Variants in CDK19 observed in about 807,000 individuals in gnomAD.
The protein encoded by CDK19 is cyclin dependent kinase 19.
CDK19 carries 20 observed loss-of-function variants against 68.3 expected under a neutral mutation model. That is an observed-to-expected ratio of 0.29 (90% CI 0.21 to 0.43). CDK19 has a LOEUF of 0.43. Among genes scored for constraint, CDK19 ranks in the 20% least tolerant of loss-of-function variants. The probability of loss-of-function intolerance (pLI) is 1.00; values close to 1 mark genes in which losing one functional copy is unlikely to be tolerated. For missense variants in CDK19, 339 were observed against 623.5 expected, an observed-to-expected ratio of 0.54 and a Z score of 4.86; for synonymous variants, 221 against 222.8, an observed-to-expected ratio of 0.99 and a Z score of 0.07.
chr6:110,638,982 C>T (rs146209076), intron 4 of CDK19, among the ~76,000 whole-genome samples: 167 of 152,306 alleles, frequency 1.1e-3, no homozygotes, highest in African/African-American at 3.9e-3. Context: ...TAAATAGATT[C>T]ATCCCGCAGA....
intron 1 of CDK19, among the ~76,000 whole-genome samples, chr6:110,795,564 T>C (rs1781881662): frequency 6.6e-6 from 1 of 152,184 alleles, no homozygotes; most frequent in Non-Finnish European, 1.5e-5. Flanking sequence ...ATATTGTTAG[T>C]AGTAGTGGAG....
chr6:110,700,787 A>C (rs1213726835), intron 2 of CDK19: 3 of 198,088 alleles, frequency 1.5e-5, no homozygotes, highest in Non-Finnish European at 3.3e-5. Flanking sequence ...TTTCCAGATG[A>C]GAATCCAAAA....
intron 2 of CDK19, among the ~76,000 whole-genome samples, chr6:110,723,845 G>A (rs941186188): frequency 2.6e-5 from 4 of 152,056 alleles, no homozygotes; most frequent in African/African-American, 4.8e-5. Context: ...TATTCTCATC[G>A]CTTCTCGGCC....
At chr6:110,777,789 A>G (rs1007746738) in intron 1 of CDK19, among the ~76,000 whole-genome samples, 1 of 152,264 alleles carries the variant, frequency 6.6e-6, no homozygotes, top group Admixed American at 6.5e-5. Context: ...TAGCATATAC[A>G]TGTAACAGAA....
At chr6:110,727,612 T>C (rs1213344733) in intron 2 of CDK19, among the ~76,000 whole-genome samples, 1 of 127,202 alleles carries the variant, frequency 7.9e-6, no homozygotes, top group Non-Finnish European at 1.8e-5. Flanking sequence ...ACTCAAGATG[T>C]CTTTTTTAAA....
chr6:110,646,986 CAG>C (rs893406185), intron 4 of CDK19, among the ~76,000 whole-genome samples: 2 of 152,116 alleles, frequency 1.3e-5, no homozygotes, highest in Non-Finnish European at 1.5e-5. Context: ...GGACTCCCCA[CAG>C]AGACAGAGGA....
intron 1 of CDK19, among the ~76,000 whole-genome samples, chr6:110,791,446 A>G (rs1257322450): frequency 1.3e-5 from 2 of 152,108 alleles, no homozygotes; most frequent in Non-Finnish European, 2.9e-5. Context: ...ACAGAACACA[A>G]CTATTGGAAA....
At chr6:110,732,355 T>C (rs1776828824) in intron 2 of CDK19, among the ~76,000 whole-genome samples, 1 of 152,004 alleles carries the variant, frequency 6.6e-6, no homozygotes, top group Non-Finnish European at 1.5e-5. Context: ...AAAAAAAATT[T>C]AGCTGGGTAT....
intron 4 of CDK19, among the ~76,000 whole-genome samples, chr6:110,639,513 C>A (rs1779992926): frequency 6.6e-6 from 1 of 152,104 alleles, no homozygotes; most frequent in African/African-American, 2.4e-5. Flanking sequence ...AAAACAAAAG[C>A]ACAGTAAAAA....
intron 1 of CDK19, among the ~76,000 whole-genome samples, chr6:110,773,522 T>C (rs767389312): frequency 6.6e-5 from 10 of 152,148 alleles, no homozygotes; most frequent in Admixed American, 1.3e-4. Flanking sequence ...GAATTATGAC[T>C]TGGACAAGTT....
intron 3 of CDK19, among the ~76,000 whole-genome samples, chr6:110,668,906 T>C (rs575796587): frequency 2.0e-5 from 3 of 152,242 alleles, no homozygotes; most frequent in African/African-American, 7.2e-5. Context: ...TTTCTAAATA[T>C]TACAAATACT....
chr6:110,683,902 G>T (rs1190115581), intron 2 of CDK19, among the ~76,000 whole-genome samples: 1 of 150,826 alleles, frequency 6.6e-6, no homozygotes, highest in Non-Finnish European at 1.5e-5. Context: ...AGTGGAGATG[G>T]GGTTTCACCT....
intron 1 of CDK19, among the ~76,000 whole-genome samples, chr6:110,809,110 G>A (rs1018801177): frequency 4.6e-5 from 7 of 151,846 alleles, no homozygotes; most frequent in African/African-American, 1.7e-4. Flanking sequence ...AGCTACTCGG[G>A]AGGCTGAGGC....
At chr6:110,780,981 T>C (rs1343129580) in intron 1 of CDK19, among the ~76,000 whole-genome samples, 1 of 152,238 alleles carries the variant, frequency 6.6e-6, no homozygotes, top group Admixed American at 6.5e-5. Flanking sequence ...CAGTGTCTTT[T>C]AGTGCCTACT....
At position 110,641,646 on chromosome 6, in the gene CDK19, AAAGGAAGGAAGG is replaced by A. The variant is rs71553305; in HGVS notation, c.457-2952_457-2941del. Among the ~76,000 whole-genome samples, 944 of 131,454 alleles carry A rather than the reference AAAGGAAGGAAGG, an allele frequency of 7.2e-3. 15 individuals carry two copies. The highest frequency in any genetic ancestry group is 0.025 in the African/African-American group (828 of 33,248). 86.2% of individuals were successfully genotyped at this position (131,454 alleles called of 152,430 possible). A position where few individuals can be genotyped will look rare whatever the true frequency, so the allele number is the denominator to read the frequency against. On this transcript the variant is annotated intron_variant, in intron 4 of 12. Coordinates refer to ENST00000368911, the MANE Select transcript of CDK19 (RefSeq NM_015076.5). ...GGAGAGGAAAGGAGGAAAGGGAAAG[AAAGGAAGGAAGG>A]AAGGAAGGAAGGAAGGAAGGAAGGA...
chr6:110,637,728 C>G (rs1318050994), intron 5 of CDK19, among the ~76,000 whole-genome samples: 2 of 152,176 alleles, frequency 1.3e-5, no homozygotes, highest in African/African-American at 4.8e-5. Flanking sequence ...GCCTGTAATC[C>G]CAGCACTTTG....
At chr6:110,706,051 T>C (rs1774440851) in intron 2 of CDK19, among the ~76,000 whole-genome samples, 1 of 152,088 alleles carries the variant, frequency 6.6e-6, no homozygotes, top group African/African-American at 2.4e-5. Flanking sequence ...TGTTTTGTTT[T>C]CTTGTTTGTT....
At chr6:110,647,941 T>G (rs1171426053) in intron 4 of CDK19, among the ~76,000 whole-genome samples, 1 of 152,108 alleles carries the variant, frequency 6.6e-6, no homozygotes, top group African/African-American at 2.4e-5. Context: ...TCTATGGAAG[T>G]TTATCACCAT....
chr6:110,636,501 C>CTTCT (rs376318985), intron 5 of CDK19, among the ~76,000 whole-genome samples: 17 of 152,238 alleles, frequency 1.1e-4, no homozygotes, highest in African/African-American at 3.6e-4. Flanking sequence ...TATAGACCAG[C>CTTCT]GGAGAAGACA....
Sources: allele counts gnomAD v4.1 joint callset (sites outside exome capture counted in the v4.1 genomes callset), GRCh38; gene constraint gnomAD v4.1.1; transcripts MANE v1.5; gene names NCBI Gene and HGNC (gene_info 2026-07-23, HGNC 2026-07-21).